RAPGEF4: variants seen among roughly 807,000 people sequenced by gnomAD.
RAPGEF4 encodes RAP guanine-nucleotide-exchange factor (GEF) 4.
RAPGEF4 carries 66 observed loss-of-function variants against 147.9 expected under a neutral mutation model. The ratio of observed to expected loss-of-function variants is 0.45; its 90% CI spans 0.37 to 0.55. The LOEUF (loss-of-function observed/expected upper bound fraction) is 0.55. Ranked by LOEUF, RAPGEF4 falls within the 20% of genes least tolerant of loss-of-function variation. RAPGEF4 has a pLI of 0.00. For missense variants in RAPGEF4, 1,071 were observed against 1,257.3 expected (o/e 0.85, Z 2.24); for synonymous variants, 419 against 442.7 (o/e 0.95, Z 0.67).
At chr2:172,902,853 T>C (rs963989422) in intron 4 of RAPGEF4, among the ~76,000 whole-genome samples, 6 of 152,166 alleles carry the variant, frequency 3.9e-5, no homozygotes, top group Non-Finnish European at 7.4e-5. Flanking sequence ...AATTCCACCA[T>C]AAACAGAGAC....
chr2:172,775,144 A>C (rs906287706), intron 1 of RAPGEF4, among the ~76,000 whole-genome samples: 6 of 152,190 alleles, frequency 3.9e-5, no homozygotes, highest in Non-Finnish European at 7.3e-5. Context: ...GTGGGTAGTT[A>C]CAGTATCCTA....
chr2:172,960,417 T>A (rs1407664891), intron 6 of RAPGEF4, among the ~76,000 whole-genome samples: 1 of 152,230 alleles, frequency 6.6e-6, no homozygotes, highest in African/African-American at 2.4e-5. Flanking sequence ...TCTCCATTTA[T>A]GTTTATCTTG....
intron 4 of RAPGEF4, among the ~76,000 whole-genome samples, chr2:172,819,067 G>A (rs1304404561): frequency 2.6e-5 from 4 of 152,090 alleles, no homozygotes; most frequent in African/African-American, 9.7e-5. Context: ...ATATAACTGA[G>A]GTGGCAGCTT....
chr2:172,958,247 G>A (rs1305154358), intron 6 of RAPGEF4, among the ~76,000 whole-genome samples: 2 of 152,196 alleles, frequency 1.3e-5, no homozygotes, highest in Non-Finnish European at 2.9e-5. Context: ...ACAAGAAGAA[G>A]AAATGGATTT....
intron 10 of RAPGEF4, among the ~76,000 whole-genome samples, chr2:172,973,026 G>T (rs2105561400): frequency 6.6e-6 from 1 of 151,932 alleles, no homozygotes; most frequent in Middle Eastern, 3.4e-3. Context: ...TTTTAAATAG[G>T]TGTGTTCTCT....
chr2:172,978,102 G>A (rs560032138), intron 10 of RAPGEF4, among the ~76,000 whole-genome samples: 2 of 152,154 alleles, frequency 1.3e-5, no homozygotes, highest in Non-Finnish European at 2.9e-5. Context: ...AGTCCCCATG[G>A]AAGCCTCTCT....
intron 1 of RAPGEF4, among the ~76,000 whole-genome samples, chr2:172,753,383 C>T (rs1009553007): frequency 7.8e-6 from 1 of 128,198 alleles, no homozygotes; most frequent in Non-Finnish European, 1.6e-5. Flanking sequence ...TTTAGTTGAA[C>T]TAAAACCTTG....
intron 1 of RAPGEF4, among the ~76,000 whole-genome samples, chr2:172,783,263 G>T (rs535561945): frequency 6.6e-6 from 1 of 152,190 alleles, no homozygotes; most frequent in Non-Finnish European, 1.5e-5. Context: ...GAAGTATTTG[G>T]ACCTTTTTAT....
chr2:172,820,814 G>C (rs1382981335), intron 4 of RAPGEF4, among the ~76,000 whole-genome samples: 5 of 152,152 alleles, frequency 3.3e-5, no homozygotes, highest in Non-Finnish European at 7.3e-5. Context: ...TTTTCAGAAT[G>C]TTTATTTTTC....
chr2:172,918,187 G>C, intron 5 of RAPGEF4: 1 of 461,540 alleles, frequency 2.2e-6, no homozygotes. Context: ...TTTTAAAGAA[G>C]GGATGCACGA....
At chr2:172,790,684 G>A (rs1171251167) in intron 1 of RAPGEF4, among the ~76,000 whole-genome samples, 1 of 152,168 alleles carries the variant, frequency 6.6e-6, no homozygotes, top group Non-Finnish European at 1.5e-5. Context: ...TGCTTCTGCT[G>A]ATTATTGGAC....
chr2:172,874,342 G>T (rs1332982603), intron 4 of RAPGEF4, among the ~76,000 whole-genome samples: 1 of 152,058 alleles, frequency 6.6e-6, no homozygotes, highest in Non-Finnish European at 1.5e-5. Flanking sequence ...TTGGTGTGCT[G>T]CACCCATTAA....
intron 4 of RAPGEF4, chr2:172,917,576 T>C (rs1420093286): frequency 4.4e-6 from 3 of 683,232 alleles, no homozygotes; most frequent in Non-Finnish European, 8.0e-6. Context: ...CTGGCGGAGA[T>C]AGAACCCCTG....
intron 4 of RAPGEF4, among the ~76,000 whole-genome samples, chr2:172,823,657 G>A (rs1689342638): frequency 6.6e-6 from 1 of 152,176 alleles, no homozygotes; most frequent in Admixed American, 6.5e-5. Context: ...CACAGTTACT[G>A]GGGCAGAGGG....
chr2:172,736,083 T>A, intron 1 of RAPGEF4, 35 bp downstream of exon 1: 1 of 1,440,606 alleles, frequency 6.9e-7, no homozygotes, highest in Non-Finnish European at 9.2e-7. Context: ...GGGGCCGAGC[T>A]CTGCGGTGCT....
intron 6 of RAPGEF4, among the ~76,000 whole-genome samples, chr2:172,948,179 T>C (rs1687870888): frequency 6.6e-6 from 1 of 152,214 alleles, no homozygotes; most frequent in Non-Finnish European, 1.5e-5. Context: ...TGGTGGGCTA[T>C]GGTGAATAGC....
intron 2 of RAPGEF4, among the ~76,000 whole-genome samples, chr2:172,796,281 G>C (rs1686354246): frequency 6.6e-6 from 1 of 152,080 alleles, no homozygotes; most frequent in African/African-American, 2.4e-5. Context: ...ATCACCTACA[G>C]TTTCTACCAT....
chr2:172,994,732 C>T (rs559026008), intron 15 of RAPGEF4, among the ~76,000 whole-genome samples: 74 of 152,338 alleles, frequency 4.9e-4, no homozygotes, highest in South Asian at 2.3e-3. Context: ...ATTTCAATAT[C>T]GAAAGTCATT....
chr2:172,801,960 G>A (rs1476346647), intron 3 of RAPGEF4, among the ~76,000 whole-genome samples: 1 of 152,196 alleles, frequency 6.6e-6, no homozygotes, highest in Non-Finnish European at 1.5e-5. Flanking sequence ...AGTGAAAGGG[G>A]TGTGGCCCTC....
Sources: gnomAD v4.1 joint callset for allele counts (sites outside exome capture counted in the v4.1 genomes callset) on GRCh38, gnomAD v4.1.1 for gene constraint, MANE v1.5 for transcripts, NCBI Gene and HGNC (gene_info 2026-07-23, HGNC 2026-07-21) for gene names.